DMD: variants seen among roughly 807,000 people sequenced by gnomAD.
DMD encodes mutant dystrophin.
DMD carries 63 observed loss-of-function variants against 330.1 expected under a neutral mutation model. That is an observed-to-expected ratio of 0.19 (90% CI 0.16 to 0.24). The LOEUF (loss-of-function observed/expected upper bound fraction) is 0.24, where lower values mean the gene tolerates loss of function less well. DMD is among the 10% of genes least tolerant of loss of function. The pLI is 1.00. For synonymous variants in DMD, 1,223 were observed against 959.8 expected (o/e 1.27, Z -5.07); for missense variants, 3,344 against 2,684.1 (o/e 1.25, Z -5.43).
intron 44 of DMD, among the ~76,000 whole-genome samples, chrX:32,116,557 AAAATTGTTT>A (rs1433597596): frequency 8.9e-6 from 1 of 112,070 alleles, no homozygotes; most frequent in Non-Finnish European, 1.9e-5. Flanking sequence ...TCGTGATGTA[AAAATTGTTT>A]TGAGCTAAAG....
chrX:33,026,400 C>G (rs975295634), intron 1 of DMD, among the ~76,000 whole-genome samples: 1 of 101,775 alleles, frequency 9.8e-6, no homozygotes, highest in Non-Finnish European at 2.0e-5. Context: ...CAATTAAGTT[C>G]AGTCTATTCT....
intron 48 of DMD, among the ~76,000 whole-genome samples, chrX:31,844,381 T>A (rs1421236770): frequency 9.1e-6 from 1 of 109,669 alleles, no homozygotes; most frequent in Non-Finnish European, 1.9e-5. Context: ...TATTCTGTTC[T>A]ACTGGTCCAA....
intron 6 of DMD, among the ~76,000 whole-genome samples, chrX:32,813,770 T>A (rs777442999): frequency 9.0e-6 from 1 of 111,321 alleles, no homozygotes; most frequent in Non-Finnish European, 1.9e-5. Context: ...GTGTGATGAT[T>A]TTCTCGTTTT....
chrX:33,300,421 C>A (rs1205334423), intron 1 of DMD, among the ~76,000 whole-genome samples: 1 of 112,217 alleles, frequency 8.9e-6, no homozygotes, highest in Non-Finnish European at 1.9e-5. Context: ...CTCAACTAAC[C>A]TTTTCCTATC....
intron 60 of DMD, among the ~76,000 whole-genome samples, chrX:31,381,650 T>C (rs1398569515): frequency 9.0e-6 from 1 of 111,075 alleles, no homozygotes; most frequent in African/African-American, 3.3e-5. Context: ...TTTCCCCATA[T>C]TTCCTTCTTT....
At chrX:31,505,150 T>C (rs190301152) in intron 56 of DMD, among the ~76,000 whole-genome samples, 2 of 112,344 alleles carry the variant, frequency 1.8e-5, no homozygotes, top group East Asian at 5.6e-4. Flanking sequence ...GACCTGCCAA[T>C]ATTTTTTCCA....
intron 52 of DMD, among the ~76,000 whole-genome samples, chrX:31,715,664 T>C (rs1218429070): frequency 7.2e-5 from 8 of 111,595 alleles, no homozygotes; most frequent in African/African-American, 2.6e-4. Flanking sequence ...TATGTTGTAT[T>C]CTGCAAGGAT....
intron 43 of DMD, among the ~76,000 whole-genome samples, chrX:32,268,726 C>A (rs1363207106): frequency 8.9e-6 from 1 of 111,801 alleles, no homozygotes; most frequent in African/African-American, 3.3e-5. Flanking sequence ...GCTAGTTTGA[C>A]ACTCTACATA....
intron 7 of DMD, among the ~76,000 whole-genome samples, chrX:32,712,677 T>C (rs2065299266): frequency 9.0e-6 from 1 of 111,515 alleles, no homozygotes; most frequent in South Asian, 3.7e-4. Context: ...ACTTTGTATA[T>C]TCATTGTAGG....
chrX:33,003,263 T>A (rs1295981152), intron 2 of DMD, among the ~76,000 whole-genome samples: 2 of 111,887 alleles, frequency 1.8e-5, no homozygotes, highest in Non-Finnish European at 3.8e-5. Context: ...TTTCCATTCC[T>A]GAATTACTTT....
At chrX:33,123,449 C>T (rs2095437357) in intron 1 of DMD, among the ~76,000 whole-genome samples, 1 of 111,060 alleles carries the variant, frequency 9.0e-6, no homozygotes, top group Admixed American at 9.6e-5. Context: ...CAGAATCTAC[C>T]TCTGTCGCCC....
At chrX:32,537,861 G>A (rs994100133) in intron 17 of DMD, among the ~76,000 whole-genome samples, 5 of 111,962 alleles carry the variant, frequency 4.5e-5, no homozygotes, top group African/African-American at 1.3e-4. Context: ...ATTCTTTTAC[G>A]CCTTGCATTC....
chrX:32,510,282 G>A (rs2045149967), intron 18 of DMD, among the ~76,000 whole-genome samples: 1 of 111,591 alleles, frequency 9.0e-6, no homozygotes, highest in Non-Finnish European at 1.9e-5. Flanking sequence ...GCTGTTACAC[G>A]GCTGTGCATT....
intron 44 of DMD, among the ~76,000 whole-genome samples, chrX:32,128,815 T>C (rs966148421): frequency 8.9e-6 from 1 of 112,319 alleles, no homozygotes. Context: ...ACTTATAACC[T>C]GTGTCGTTCC....
chrX:32,468,420 C>T, intron 23 of DMD, 78 bp downstream of exon 23: 2 of 900,922 alleles, frequency 2.2e-6, no homozygotes, highest in South Asian at 2.1e-5. Flanking sequence ...TGCTTATGTA[C>T]CTTTACAGTT....
chrX:31,572,695 G>C (rs953830176), intron 55 of DMD, among the ~76,000 whole-genome samples: 1 of 112,045 alleles, frequency 8.9e-6, no homozygotes, highest in African/African-American at 3.2e-5. Flanking sequence ...AACTCCACTA[G>C]ACCAGTGGCA....
chrX:31,744,730 C>T (rs890917473), intron 51 of DMD, among the ~76,000 whole-genome samples: 5 of 112,139 alleles, frequency 4.5e-5, no homozygotes, highest in Non-Finnish European at 9.4e-5. Flanking sequence ...AATTTTGCAT[C>T]CTAAAGATAC....
chrX:32,394,919 A>AAC (rs1569560905), intron 30 of DMD, among the ~76,000 whole-genome samples: 3 of 73,779 alleles, frequency 4.1e-5, no homozygotes, highest in South Asian at 1.6e-3. Flanking sequence ...AAAAAAACAA[A>AAC]AAAAAAAAAA....
At chrX:32,488,451 A>T (rs781449210) in intron 20 of DMD, among the ~76,000 whole-genome samples, 1 of 111,594 alleles carries the variant, frequency 9.0e-6, no homozygotes, top group African/African-American at 3.2e-5. Flanking sequence ...ATGTTATAAA[A>T]CTTCTCCAAA....
Sources: allele counts gnomAD v4.1 joint callset (sites outside exome capture counted in the v4.1 genomes callset), GRCh38; gene constraint gnomAD v4.1.1; transcripts MANE v1.5; gene names NCBI Gene and HGNC (gene_info 2026-07-23, HGNC 2026-07-21).